EPHB1: variants seen among roughly 807,000 people sequenced by gnomAD.
EPHB1 encodes the protein ephrin type-B receptor 1.
Under a neutral mutation model 94.4 loss-of-function variants are expected in EPHB1, and 30 were observed. The ratio of observed to expected loss-of-function variants is 0.32; its 90% CI spans 0.24 to 0.43. EPHB1 has a LOEUF of 0.43. EPHB1 is among the 20% of genes least tolerant of loss of function. The probability of loss-of-function intolerance (pLI) is 1.00; values close to 1 mark genes in which losing one functional copy is unlikely to be tolerated. For missense variants in EPHB1, 1,055 were observed against 1,308.3 expected (o/e 0.81, Z 2.99); for synonymous variants, 522 against 489.1 (o/e 1.07, Z -0.89).
chr3:135,100,836 G>A (rs1174253622), intron 3 of EPHB1, among the ~76,000 whole-genome samples: 2 of 152,110 alleles, frequency 1.3e-5, no homozygotes, highest in African/African-American at 4.8e-5. Flanking sequence ...GAACAGGGAG[G>A]CAAATGTGTG....
intron 1 of EPHB1, among the ~76,000 whole-genome samples, chr3:134,881,673 T>G (rs1001864196): frequency 1.3e-5 from 2 of 152,208 alleles, no homozygotes; most frequent in African/African-American, 4.8e-5. Flanking sequence ...AATCGGTTTA[T>G]GGCCTTCAGC....
chr3:135,186,428 G>A (rs928891696), intron 10 of EPHB1, among the ~76,000 whole-genome samples: 1 of 152,168 alleles, frequency 6.6e-6, no homozygotes, highest in African/African-American at 2.4e-5. Flanking sequence ...CATTTATCTT[G>A]CACAAGCTAG....
rs916736323 is a variant in EPHB1 at position 134,906,783 on chromosome 3, C to G, written c.59-19033C>G. Among the ~76,000 whole-genome samples, 7 of 152,194 alleles carry G rather than the reference C, an allele frequency of 4.6e-5. No homozygotes were observed. In the East Asian group the frequency reaches 1.3e-3, roughly 29 times the overall value. The stretch of plus-strand genomic sequence containing the variant: ...CAAGGCCCTCTTGGAGAATGTGCTC[C>G]TGGGTTGGGCTGGAGGACTTTACCT... On this transcript the variant is annotated intron_variant, in intron 1 of 15. Coordinates refer to ENST00000398015, the MANE Select transcript of EPHB1 (RefSeq NM_004441.5).
At chr3:134,917,475 A>T (rs965761804) in intron 1 of EPHB1, among the ~76,000 whole-genome samples, 2 of 152,204 alleles carry the variant, frequency 1.3e-5, no homozygotes, top group Admixed American at 6.5e-5. Flanking sequence ...CCAAGACCTA[A>T]TCTAGGGCCT....
chr3:134,996,800 T>C (rs1935009960), intron 3 of EPHB1, among the ~76,000 whole-genome samples: 1 of 152,150 alleles, frequency 6.6e-6, no homozygotes, highest in African/African-American at 2.4e-5. Context: ...CTATCTTGAA[T>C]GCCTGTTCAT....
At chr3:135,236,694 C>T (rs1418568585) in intron 12 of EPHB1, among the ~76,000 whole-genome samples, 1 of 152,174 alleles carries the variant, frequency 6.6e-6, no homozygotes, top group Non-Finnish European at 1.5e-5. Context: ...TCCTCTCATG[C>T]TGCACAACAG....
chr3:134,918,789 A>T (rs753860645), intron 1 of EPHB1, among the ~76,000 whole-genome samples: 2 of 152,224 alleles, frequency 1.3e-5, no homozygotes, highest in Admixed American at 6.5e-5. Context: ...TCAGATAATG[A>T]TGCAATGAAT....
intron 4 of EPHB1, among the ~76,000 whole-genome samples, chr3:135,122,385 A>G (rs911606975): frequency 7.2e-5 from 11 of 152,184 alleles, no homozygotes; most frequent in South Asian, 2.1e-4. Flanking sequence ...CTTGAAAGCC[A>G]TGTCTTTAAG....
chr3:135,096,960 G>T (rs1297333203), intron 3 of EPHB1, among the ~76,000 whole-genome samples: 1 of 151,984 alleles, frequency 6.6e-6, no homozygotes, highest in Non-Finnish European at 1.5e-5. Context: ...GCCAGGTGTG[G>T]TGACACATGC....
chr3:135,104,479 G>C (rs560567717), intron 3 of EPHB1, among the ~76,000 whole-genome samples: 3 of 152,238 alleles, frequency 2.0e-5, no homozygotes, highest in African/African-American at 4.8e-5. Flanking sequence ...GCTGAGATGA[G>C]TCAGGAAGTG....
chr3:135,077,860 A>G (rs1438149596), intron 3 of EPHB1, among the ~76,000 whole-genome samples: 1 of 152,246 alleles, frequency 6.6e-6, no homozygotes, highest in African/African-American at 2.4e-5. Flanking sequence ...CACATCTCCC[A>G]TACCAGAAGG....
chr3:135,207,452 A>T (rs557746069), intron 12 of EPHB1, among the ~76,000 whole-genome samples: 2 of 140,594 alleles, frequency 1.4e-5, no homozygotes, highest in East Asian at 4.2e-4. Context: ...CAAGCTGGGG[A>T]CATAATCATG....
intron 6 of EPHB1, among the ~76,000 whole-genome samples, chr3:135,161,047 G>T (rs964740373): frequency 6.6e-6 from 1 of 152,160 alleles, no homozygotes; most frequent in Non-Finnish European, 1.5e-5. Context: ...GGCGTTGGGT[G>T]GGGTGGATGG....
intron 1 of EPHB1, among the ~76,000 whole-genome samples, chr3:134,803,693 A>G (rs2035976175): frequency 6.6e-6 from 1 of 152,212 alleles, no homozygotes; most frequent in Non-Finnish European, 1.5e-5. Context: ...CAGATGAGGT[A>G]GCTGAGGCTT....
chr3:135,224,527 G>A (rs1199395437), intron 12 of EPHB1, among the ~76,000 whole-genome samples: 5 of 152,144 alleles, frequency 3.3e-5, no homozygotes, highest in African/African-American at 1.2e-4. Context: ...TTTCTCCAAT[G>A]TATAGTTATG....
chr3:135,004,120 C>T (rs887162171), intron 3 of EPHB1, among the ~76,000 whole-genome samples: 129 of 151,764 alleles, frequency 8.5e-4, no homozygotes, highest in African/African-American at 2.9e-3. Flanking sequence ...CCATGTTTAG[C>T]GCTTCCTTCA....
intron 3 of EPHB1, among the ~76,000 whole-genome samples, chr3:135,046,531 T>C (rs1200687004): frequency 6.6e-6 from 1 of 152,236 alleles, no homozygotes; most frequent in Non-Finnish European, 1.5e-5. Context: ...GACTCTACTG[T>C]ACAAGAGACC....
At chr3:134,991,964 A>G (rs1934820374) in intron 3 of EPHB1, among the ~76,000 whole-genome samples, 2 of 152,100 alleles carry the variant, frequency 1.3e-5, no homozygotes, top group South Asian at 4.1e-4. Flanking sequence ...TTTGATGGGT[A>G]AATCTAGAAG....
chr3:134,837,214 T>C (rs963865480), intron 1 of EPHB1, among the ~76,000 whole-genome samples: 2 of 152,220 alleles, frequency 1.3e-5, no homozygotes, highest in African/African-American at 4.8e-5. Flanking sequence ...AAATCTTCTC[T>C]TTAAAATATT....
Sources: gnomAD v4.1 joint callset for allele counts (sites outside exome capture counted in the v4.1 genomes callset) on GRCh38, gnomAD v4.1.1 for gene constraint, MANE v1.5 for transcripts, NCBI Gene and HGNC (gene_info 2026-07-23, HGNC 2026-07-21) for gene names.